Variants in TRIO observed in about 807,000 individuals in gnomAD.
TRIO encodes the protein trio Rho guanine nucleotide exchange factor.
A neutral mutation model predicts 351.9 loss-of-function variants in TRIO; 58 were observed. That is an observed-to-expected ratio of 0.16 (90% confidence interval 0.13 to 0.21). TRIO has a LOEUF of 0.21. Ranked by LOEUF, TRIO falls within the 10% of genes least tolerant of loss-of-function variation. TRIO has a pLI of 1.00. For missense variants in TRIO, 3,201 were observed against 4,027.8 expected (o/e 0.79, Z 5.56); for synonymous variants, 1,758 against 1,595.7 (o/e 1.10, Z -2.42).
Position 14,429,474 on chromosome 5 carries a change from A to G in TRIO, c.5203+9453A>G, listed in dbSNP as rs542166917. 2.0e-5 allele frequency among the ~76,000 whole-genome samples: 3 copies of G among 152,308 alleles called. No homozygotes were observed. In the South Asian group the frequency reaches 6.2e-4, roughly 32 times the overall value. ...GCAAAGAGAAGGGAAAATGCCTTAAATTGTTCTGGCTAATTTAGAAGCAGC... is the reference window on the plus strand; with the variant it reads ...GCAAAGAGAAGGGAAAATGCCTTAAGTTGTTCTGGCTAATTTAGAAGCAGC... On this transcript the variant is annotated intron_variant, in intron 34 of 56. Transcript: ENST00000344204.
chr5:14,166,713 G>A (rs1352147003), intron 1 of TRIO, among the ~76,000 whole-genome samples: 1 of 152,214 alleles, frequency 6.6e-6, no homozygotes, highest in Non-Finnish European at 1.5e-5. Context: ...AGGCTGGTGG[G>A]ACGTGGTAAC....
chr5:14,501,781 G>T (rs1757314304), intron 53 of TRIO, among the ~76,000 whole-genome samples: 1 of 152,202 alleles, frequency 6.6e-6, no homozygotes, highest in South Asian at 2.1e-4. Context: ...GCCGAAAGAG[G>T]GGAGAGGAAA....
Position 14,399,065 on chromosome 5 carries a change from T to A in TRIO, c.4609T>A (p.Leu1537Met). 6.2e-7 allele frequency: 1 copy of A among 1,613,902 alleles called. No individual in the cohort carries two copies. The highest frequency in any genetic ancestry group is 8.5e-7 in the Non-Finnish European group (1 of 1,179,788). Residue 1537 changes from leucine (L) to methionine (M), a missense_variant, in exon 30 of 57, where the codon TTG (leucine) becomes ATG (methionine). Leu to Met is a conservative substitution (Grantham distance 15). This residue lies in a region of TRIO where 136 missense variants were observed against 229.5 expected (regional missense o/e 0.59). Coordinates refer to ENST00000344204, the MANE Select transcript of TRIO (RefSeq NM_007118.4). ...AAGCAAGTACCTTTATAAAAGCAAA[T>A]TGTTTGTAAGTATAGGCGTTCAGAA... Reference protein sequence around the residue: ...GRSKYLYKSKLFTSELGVTEH... With the variant: ...GRSKYLYKSKMFTSELGVTEH...
At chr5:14,273,665 C>T (rs950964264) in intron 2 of TRIO, among the ~76,000 whole-genome samples, 1 of 152,184 alleles carries the variant, frequency 6.6e-6, no homozygotes, top group African/African-American at 2.4e-5. Context: ...CCTCTTCTGC[C>T]CATGGAGGAT....
At chr5:14,199,297 A>G (rs1359290934) in intron 1 of TRIO, among the ~76,000 whole-genome samples, 2 of 150,462 alleles carry the variant, frequency 1.3e-5, no homozygotes, top group Non-Finnish European at 3.0e-5. Context: ...AGGTATTTAT[A>G]TTAATGGAAT....
chr5:14,334,492 C>T (rs953014841), intron 10 of TRIO, among the ~76,000 whole-genome samples: 2 of 152,214 alleles, frequency 1.3e-5, no homozygotes, highest in Admixed American at 1.3e-4. Context: ...CGTGGGAAGG[C>T]TTTCAGAAAC....
chr5:14,462,233 T>C (rs1753879113), intron 35 of TRIO, among the ~76,000 whole-genome samples: 1 of 152,264 alleles, frequency 6.6e-6, no homozygotes. Flanking sequence ...ATTATGTACA[T>C]TCTTGATAAA....
chr5:14,463,294 G>T (rs1260145476), intron 36 of TRIO, among the ~76,000 whole-genome samples: 1 of 152,204 alleles, frequency 6.6e-6, no homozygotes, highest in Non-Finnish European at 1.5e-5. Context: ...ATCACTAAAT[G>T]AAGAGTTGGC....
At chr5:14,202,670 A>G (rs192388476) in intron 1 of TRIO, among the ~76,000 whole-genome samples, 8 of 149,922 alleles carry the variant, frequency 5.3e-5, no homozygotes, top group Non-Finnish European at 1.0e-4. Context: ...TGATGATTTT[A>G]TAAGGAGTTT....
At chr5:14,478,539 T>C (rs1755265337) in intron 41 of TRIO, among the ~76,000 whole-genome samples, 2 of 152,194 alleles carry the variant, frequency 1.3e-5, no homozygotes, top group Non-Finnish European at 2.9e-5. Flanking sequence ...GTCTACATTT[T>C]TTTTCTTCTG....
intron 1 of TRIO, among the ~76,000 whole-genome samples, chr5:14,225,090 C>T (rs1027675434): frequency 1.3e-5 from 2 of 152,170 alleles, no homozygotes; most frequent in African/African-American, 2.4e-5. Flanking sequence ...CAGGACCCTA[C>T]AGCCCTAGAG....
chr5:14,489,257 A>G (rs992189859), intron 48 of TRIO: 3 of 478,992 alleles, frequency 6.3e-6, no homozygotes, highest in East Asian at 6.6e-5. Context: ...CTTTCCTACT[A>G]TTTTTTGTTA....
chr5:14,382,899 G>A lies in TRIO; in HGVS notation c.3570+1647G>A, dbSNP rs1746236666. On this transcript the variant is annotated intron_variant, in intron 21 of 56. Coordinates refer to ENST00000344204, the MANE Select transcript of TRIO (RefSeq NM_007118.4). ...GGGATCTTGCTCTGTTACCCAGGCTGGAATACATAATAGTTATGCACATTA... is the reference window on the plus strand; with the variant it reads ...GGGATCTTGCTCTGTTACCCAGGCTAGAATACATAATAGTTATGCACATTA... Among the ~76,000 whole-genome samples the A allele has an allele frequency of 2.7e-5, 4 of 148,484 alleles. No individual in the cohort carries two copies. In the South Asian group the frequency reaches 8.7e-4, roughly 32 times the overall value.
chr5:14,336,199 A>G (rs543284435), intron 10 of TRIO, among the ~76,000 whole-genome samples: 2 of 152,298 alleles, frequency 1.3e-5, no homozygotes, highest in South Asian at 4.1e-4. Context: ...TGAAGCAGGC[A>G]TTTGTTGCTG....
At chr5:14,165,645 T>A (rs1409283900) in intron 1 of TRIO, among the ~76,000 whole-genome samples, 1 of 152,180 alleles carries the variant, frequency 6.6e-6, no homozygotes, top group Admixed American at 6.5e-5. Flanking sequence ...AAAGGGACTT[T>A]CCTTTGTTTA....
At chr5:14,481,142 A>T (rs1204187013) in intron 43 of TRIO, 92 bp from the exon 44 acceptor site, 1 of 1,384,198 alleles carries the variant, frequency 7.2e-7, no homozygotes, top group East Asian at 2.3e-5. Flanking sequence ...CTTGAGTAAC[A>T]TAGTGAGACC....
chr5:14,421,040 A>G (rs1472210810), intron 34 of TRIO, among the ~76,000 whole-genome samples: 1 of 151,992 alleles, frequency 6.6e-6, no homozygotes, highest in Admixed American at 6.6e-5. Context: ...GTTTTTCCCT[A>G]TGATACTCTC....
At chr5:14,266,321 C>G (rs1015950526) in intron 1 of TRIO, among the ~76,000 whole-genome samples, 1 of 152,134 alleles carries the variant, frequency 6.6e-6, no homozygotes, top group Non-Finnish European at 1.5e-5. Flanking sequence ...CTCGGCCTCC[C>G]CCTTCATCCA....
Position 14,215,332 on chromosome 5 carries a change from G to A in TRIO, c.158-55493G>A, listed in dbSNP as rs564276615. Among the ~76,000 whole-genome samples, 8 of 152,254 alleles carry A rather than the reference G, an allele frequency of 5.3e-5. No homozygotes were observed. In the South Asian group the frequency reaches 1.5e-3, roughly 28 times the overall value. On this transcript the variant is annotated intron_variant, in intron 1 of 56. Transcript: ENST00000344204. ...TTCTTTTGTAGTGACTTTGTTATTC[G>A]TGTCTGCCAATGCACACTGTTAGTG...
Sources: allele counts gnomAD v4.1 joint callset (sites outside exome capture counted in the v4.1 genomes callset), GRCh38; gene constraint gnomAD v4.1.1; regional missense constraint gnomAD v4.1.1; transcripts MANE v1.5; gene names NCBI Gene and HGNC (gene_info 2026-07-23, HGNC 2026-07-21).